CHD3: variants seen among roughly 807,000 people sequenced by gnomAD.
CHD3 encodes chromodomain helicase DNA binding protein 3, also known as ATP-dependent chromatin remodeler CHD3.
Under a neutral mutation model 248.9 loss-of-function variants are expected in CHD3, and 52 were observed. The observed-to-expected ratio is 0.21, with a 90% confidence interval of 0.17 to 0.26. CHD3 has a LOEUF of 0.26. Ranked by LOEUF, CHD3 falls within the 10% of genes least tolerant of loss-of-function variation. CHD3 has a pLI of 1.00. For missense variants in CHD3, 1,482 were observed against 2,605.8 expected (o/e 0.57, Z 9.39); for synonymous variants, 985 against 985.2 (o/e 1.00, Z 0.00).
chr17:7,904,399 A>G lies in CHD3; in HGVS notation c.3895-43A>G. ...TTTCCTTGCAGTGGAAGGATTAGCA[A>G]AGAAGGAGACCCCCAGTGTTCATTC... On this transcript the variant is annotated intron_variant, in intron 24 of 39. Coordinates refer to ENST00000330494, the MANE Select transcript of CHD3 (RefSeq NM_001005273.3). This position sits in a 1 kb window ranked among gnomAD's most constrained non-coding sequence, Gnocchi z 4.4. The G allele has an allele frequency of 6.3e-7, 1 of 1,577,388 alleles. No homozygotes were observed. Among genetic ancestry groups the G allele is most frequent in the Non-Finnish European group, 8.7e-7 (1 of 1,153,014 alleles).
Position 7,900,222 on chromosome 17 carries a change from G to C in CHD3, c.2683-68G>C. 1 of 1,603,208 alleles carries C rather than the reference G, an allele frequency of 6.2e-7. No homozygotes were observed. The highest frequency in any genetic ancestry group is 8.5e-7 in the Non-Finnish European group (1 of 1,173,316). ...ATGGGAGCTGGGGCAGGGAAAGGCT[G>C]ATGCTGTGGGTCGGTCACTTGTCAC... On this transcript the variant is annotated intron_variant, in intron 16 of 39. Coordinates refer to ENST00000330494, the MANE Select transcript of CHD3 (RefSeq NM_001005273.3). The surrounding 1 kb of genome is among the most constrained non-coding windows in gnomAD (Gnocchi z 6.5).
At chr17:7,885,787 G>A (rs1363187014), upstream of CHD3, among the ~76,000 whole-genome samples, 1 of 152,210 alleles carries the variant, frequency 6.6e-6, no homozygotes, top group African/African-American at 2.4e-5. Context: ...GAGGGGTCTT[G>A]TGAATGTTTG....
At chr17:7,885,159 A>T, upstream of CHD3, 1 of 979,978 alleles carries the variant, frequency 1.0e-6, no homozygotes, top group South Asian at 4.6e-5. Flanking sequence ...GGGGCGAGGC[A>T]CCCACCGCGC....
Position 7,895,245 on chromosome 17 carries a change from C to T in CHD3, c.1504-94C>T. 5 of 1,578,138 alleles carry T rather than the reference C, an allele frequency of 3.2e-6. No homozygotes were observed. The highest frequency in any genetic ancestry group is 1.2e-5 in the South Asian group (1 of 85,586). On this transcript the variant is annotated intron_variant, in intron 9 of 39. Coordinates refer to ENST00000330494, the MANE Select transcript of CHD3 (RefSeq NM_001005273.3). The surrounding 1 kb of genome is among the most constrained non-coding windows in gnomAD (Gnocchi z 4.9). ...ATGTCCAGCTTTTCATTTCTCTGCA[C>T]TCCCCCACCCTTGTGGGACCCCTAT... is the stretch of plus-strand genomic sequence containing the variant.
chr17:7,908,507 T>G lies in CHD3; in HGVS notation c.5258T>G (p.Val1753Gly). 1 of 1,613,004 alleles carries G rather than the reference T, an allele frequency of 6.2e-7. No individual in the cohort carries two copies. The highest frequency in any genetic ancestry group is 1.1e-5 in the South Asian group (1 of 90,952). ...RHDYWLLAGIVLHGYARWQDI... is the reference protein window; with the variant it reads ...RHDYWLLAGIGLHGYARWQDI... ...GACTATTGGCTTCTGGCTGGGATTG[T>G]CCTGTATCCTTTGATACACATGCAA... Residue 1753 changes from valine to glycine, a missense_variant, in exon 35 of 40, where the codon GTC becomes GGC. Coordinates refer to ENST00000330494, the MANE Select transcript of CHD3 (RefSeq NM_001005273.3). The surrounding 1 kb of genome is among the most constrained non-coding windows in gnomAD (Gnocchi z 5.8).
At chr17:7,902,900 G>A in intron 21 of CHD3, 37 bp from the exon 22 acceptor site, 6 of 1,611,970 alleles carry the variant, frequency 3.7e-6, no homozygotes, top group Non-Finnish European at 5.1e-6. Context: ...AGAACTACCG[G>A]GTACAAGAAA....
Position 7,906,380 on chromosome 17 carries a change from CAGTT to C in CHD3, c.4359-170_4359-167del. The C allele has an allele frequency of 1.4e-6, 1 of 705,878 alleles. No individual in the cohort carries two copies. Among genetic ancestry groups the C allele is most frequent in the South Asian group, 1.7e-5 (1 of 58,686 alleles). 43.7% of individuals were successfully genotyped at this position (705,878 alleles called of 1,614,324 possible). A position where few individuals can be genotyped will look rare whatever the true frequency, so the allele number is the denominator to read the frequency against. ...GACCCAGGGGTGGGGCGCAGGGGGACAGTTAGGACTTGGAGGGCTGGTAATGGTG... is the reference window on the plus strand; with the variant it reads ...GACCCAGGGGTGGGGCGCAGGGGGACAGGACTTGGAGGGCTGGTAATGGTG... On this transcript the variant is annotated intron_variant, in intron 28 of 39. Transcript: ENST00000330494. This position sits in a 1 kb window ranked among gnomAD's most constrained non-coding sequence, Gnocchi z 5.0.
upstream of CHD3, among the ~76,000 whole-genome samples, chr17:7,888,364 G>A (rs190389808): frequency 4.3e-3 from 657 of 152,344 alleles, 4 homozygotes; most frequent in Non-Finnish European, 6.1e-3. Context: ...GTTGAGGGAA[G>A]GAGAAAGGAT....
chr17:7,910,906 A>G lies in CHD3; in HGVS notation c.5814A>G (p.Ala1938=). ...PPGYGAAFSA[A]PVGALAAAGA... ...GGTACGGGGCGGCCTTCAGCGCCGC[A>G]CCCGTAGGGGCCCTGGCCGCCGCAG... Residue 1938 remains alanine (A), a synonymous_variant, in exon 39 of 40, where the codon GCA becomes GCG. Coordinates refer to ENST00000330494, the MANE Select transcript of CHD3 (RefSeq NM_001005273.3). The surrounding 1 kb of genome is among the most constrained non-coding windows in gnomAD (Gnocchi z 4.7). 6.2e-7 allele frequency: 1 copy of G among 1,613,370 alleles called. No individual in the cohort carries two copies. Among genetic ancestry groups the G allele is most frequent in the Non-Finnish European group, 8.5e-7 (1 of 1,179,786 alleles).
At chr17:7,891,110 G>C (rs985396968) in intron 4 of CHD3, 46 bp downstream of exon 4, 6 of 1,606,630 alleles carry the variant, frequency 3.7e-6, no homozygotes, top group Non-Finnish European at 5.1e-6. Flanking sequence ...CTTTTAATTT[G>C]AGGGAGGTCC....
At chr17:7,892,236 C>G (rs1968975193) in intron 4 of CHD3, among the ~76,000 whole-genome samples, 1 of 152,146 alleles carries the variant, frequency 6.6e-6, no homozygotes, top group Non-Finnish European at 1.5e-5. Flanking sequence ...TTGAGCACCC[C>G]ACCCCAGAGC....
At chr17:7,898,754 G>T (rs929127394) in intron 13 of CHD3, among the ~76,000 whole-genome samples, 159 bp downstream of exon 13, 1 of 152,154 alleles carries the variant, frequency 6.6e-6, no homozygotes, top group Non-Finnish European at 1.5e-5. Flanking sequence ...AAGAATTTTG[G>T]CCTGAAAGGG....
chr17:7,898,034 C>T lies in CHD3; in HGVS notation c.1983C>T (p.Ser661=). 6.2e-7 allele frequency: 1 copy of T among 1,614,004 alleles called. No homozygotes were observed. Among genetic ancestry groups the T allele is most frequent in the Non-Finnish European group, 8.5e-7 (1 of 1,179,928 alleles). The change falls in exon 12 of 40, where the codon TCC becomes TCT. Residue 661 remains serine, a synonymous_variant. Coordinates refer to ENST00000330494, the MANE Select transcript of CHD3 (RefSeq NM_001005273.3). ...VKWRDLPYDQ[S]TWEEDEMNIP... is the part of the protein sequence containing the mutation. The stretch of plus-strand genomic sequence containing the variant: ...GGAGGGACTTACCATATGACCAGTC[C>T]ACGTGGGAGGAAGATGAAATGAATA...
At position 7,908,732 on chromosome 17, in the gene CHD3, A is replaced by G; in HGVS notation, c.5297A>G (p.Asp1766Gly). Residue 1766 changes from aspartate to glycine, a missense_variant, in exon 36 of 40, where the codon GAT (aspartate) becomes GGT (glycine). This residue lies in a region of CHD3 where 27 missense variants were observed against 23.5 expected (regional missense o/e 1.15). Coordinates refer to ENST00000330494, the MANE Select transcript of CHD3 (RefSeq NM_001005273.3). The surrounding 1 kb of genome is among the most constrained non-coding windows in gnomAD (Gnocchi z 5.8). The part of the protein sequence containing the change: ...GYARWQDIQN[D>G]AQFAIINEPF... ...GCACGGTGGCAGGACATCCAGAATG[A>G]TGCTCAATTTGCCATTATCAACGAG... is the stretch of plus-strand genomic sequence containing the variant. 6.2e-7 allele frequency: 1 copy of G among 1,614,168 alleles called. No homozygotes were observed. Among genetic ancestry groups the G allele is most frequent in the South Asian group, 1.1e-5 (1 of 91,084 alleles).
rs997778313 is a variant in CHD3, at chr17:7,911,910, A to C, written c.*325A>C. On this transcript the variant is annotated 3_prime_UTR_variant, in exon 40 of 40. Coordinates refer to ENST00000330494, the MANE Select transcript of CHD3 (RefSeq NM_001005273.3). This position sits in a 1 kb window ranked among gnomAD's most constrained non-coding sequence, Gnocchi z 5.4. ...TCCCAGTAAATGGTTGTGGGGAGGA[A>C]AGAGGTGGAGCCTCCCCAGCCGTTT... 7 of 450,340 alleles carry C rather than the reference A, an allele frequency of 1.6e-5. No homozygotes were observed. In the Admixed American group the frequency reaches 2.2e-4, roughly 14 times the overall value. 27.9% of individuals were successfully genotyped at this position (450,340 alleles called of 1,614,324 possible).
At position 7,910,541 on chromosome 17, in the gene CHD3, A is replaced by G. The variant is rs1345633943; in HGVS notation, c.5704A>G (p.Ser1902Gly). 6.2e-7 allele frequency: 1 copy of G among 1,613,140 alleles called. No individual in the cohort carries two copies. Among genetic ancestry groups the G allele is most frequent in the Non-Finnish European group, 8.5e-7 (1 of 1,180,010 alleles). Reference protein sequence around the residue: ...IAARLQMSERSILSRLASKGT... With the variant: ...IAARLQMSERGILSRLASKGT... ...AGCCCGCCTTCAGATGTCCGAGCGC[A>G]GCATCCTCAGCCGGCTGGCCAGCAA... The change falls in exon 38 of 40, where the codon AGC becomes GGC. Residue 1902 changes from serine (S) to glycine (G), a missense_variant. Ser to Gly is a moderately conservative substitution (Grantham distance 56, BLOSUM62 0). Coordinates refer to ENST00000330494, the MANE Select transcript of CHD3 (RefSeq NM_001005273.3). The surrounding 1 kb of genome is among the most constrained non-coding windows in gnomAD (Gnocchi z 4.7).
At position 7,907,529 on chromosome 17, in the gene CHD3, G is replaced by A. The variant is rs1971127286; in HGVS notation, c.4924+41G>A. On this transcript the variant is annotated intron_variant, in intron 32 of 39. Transcript: ENST00000330494. The surrounding 1 kb of genome is among the most constrained non-coding windows in gnomAD (Gnocchi z 4.3). ...TAGGAGTGATGGGGGATTAGAATTT[G>A]GGATTTCCCTCTTCTGGGGTCAGGG... The A allele has an allele frequency of 2.6e-6, 4 of 1,535,870 alleles. No individual in the cohort carries two copies. Among genetic ancestry groups the A allele is most frequent in the Non-Finnish European group, 3.5e-6 (4 of 1,142,118 alleles).
In CHD3 at chr17:7,889,325, G is replaced by A. The variant is rs538904585; in HGVS notation, c.100+225G>A. On this transcript the variant is annotated intron_variant, in intron 1 of 39. Transcript: ENST00000330494. The surrounding 1 kb of genome is among the most constrained non-coding windows in gnomAD (Gnocchi z 4.5). ...GTTCCTGGGCAGGATGCCAGCTGGCGAAGTGAGGGGGAAGGCAGGAGGAGC... is the reference window on the plus strand; with the variant it reads ...GTTCCTGGGCAGGATGCCAGCTGGCAAAGTGAGGGGGAAGGCAGGAGGAGC... Among the ~76,000 whole-genome samples, 10 of 152,272 alleles carry A rather than the reference G, an allele frequency of 6.6e-5. No individual in the cohort carries two copies. Among genetic ancestry groups the A allele is most frequent in the Admixed American group, 2.6e-4 (4 of 15,292 alleles).
intron 2 of CHD3, 100 bp from the exon 3 acceptor site, chr17:7,890,471 T>G: frequency 1.3e-5 from 10 of 769,942 alleles, no homozygotes; most frequent in South Asian, 2.7e-5. Context: ...TATCACAGGA[T>G]TGTTGTGAAG....
Sources: allele counts gnomAD v4.1 joint callset (sites outside exome capture counted in the v4.1 genomes callset), GRCh38; gene constraint gnomAD v4.1.1; regional missense constraint gnomAD v4.1.1; non-coding constraint Gnocchi (gnomAD v3.1); transcripts MANE v1.5; gene names NCBI Gene and HGNC (gene_info 2026-07-23, HGNC 2026-07-21).